The following WFS1 variants were observed in gnomAD, a reference collection of about 807,000 sequenced individuals.
WFS1 encodes wolframin ER transmembrane glycoprotein, also known as wolframin.
In WFS1, 90 loss-of-function variants were observed where a neutral mutation model predicts 68.5. The ratio of observed to expected loss-of-function variants is 1.31; its 90% CI spans 1.11 to 1.56. The LOEUF is 1.56. WFS1 is among the 40% of genes most tolerant of loss of function. The probability of loss-of-function intolerance (pLI) is 0.00; values close to 1 mark genes in which losing one functional copy is unlikely to be tolerated. For missense variants in WFS1, 1,767 were observed against 1,232.6 expected, an observed-to-expected ratio of 1.43 and a Z score of -6.49; for synonymous variants, 860 against 540.7, an observed-to-expected ratio of 1.59 and a Z score of -8.19.
intron 7 of WFS1, among the ~76,000 whole-genome samples, chr4:6,299,946 A>AG (rs1730811170): frequency 7.0e-6 from 1 of 143,114 alleles, no homozygotes; most frequent in African/African-American, 2.6e-5. Context: ...GCGTGTGTGT[A>AG]GGGGTGGGTT....
chr4:6,301,154 C>G lies in WFS1; in HGVS notation c.1359C>G (p.Pro453=), dbSNP rs781138096. The G allele has an allele frequency of 3.7e-6, 6 of 1,612,930 alleles. No individual in the cohort carries two copies. Among genetic ancestry groups the G allele is most frequent in the Non-Finnish European group, 4.2e-6 (5 of 1,180,002 alleles). Reference sequence around the variant, plus strand: ...TGAGCCTGAGCACCCATGCAGAGCCCTACACGCGCAGGGCCCTGGCCACCG... The same window carrying G: ...TGAGCCTGAGCACCCATGCAGAGCCGTACACGCGCAGGGCCCTGGCCACCG... ...SYLSLSTHAE[P]YTRRALATEV... is the part of the protein sequence containing the mutation. The change falls in exon 8 of 8, where the codon CCC becomes CCG. Residue 453 remains proline, a synonymous_variant. Transcript: ENST00000226760.
intron 1 of WFS1, among the ~76,000 whole-genome samples, chr4:6,275,278 A>C (rs1201661526): frequency 6.6e-6 from 1 of 152,208 alleles, no homozygotes; most frequent in Admixed American, 6.5e-5. Context: ...AGACAAGGCC[A>C]CGTGTCATTT....
In WFS1 at chr4:6,302,155, C is replaced by G; in HGVS notation, c.2360C>G (p.Ala787Gly). ...GTGGGCATGCCATTCAGCAGCGGCG[C>G]TGACGGCTCGCGCAGCCGCGAGGAG... ...ITVGMPFSSG[A>G]DGSRSREEDD... is the part of the protein sequence containing the mutation. The change falls in exon 8 of 8, where the codon GCT becomes GGT. Residue 787 changes from alanine (A) to glycine (G), a missense_variant. By Grantham distance (60) the Ala-to-Gly change is moderately conservative (BLOSUM62 0). Transcript: ENST00000226760. The G allele has an allele frequency of 6.2e-7, 1 of 1,612,882 alleles. No individual in the cohort carries two copies. Among genetic ancestry groups the G allele is most frequent in the Non-Finnish European group, 8.5e-7 (1 of 1,180,004 alleles).
At position 6,289,110 on chromosome 4, in the gene WFS1, C is replaced by T. The variant is rs759147965; in HGVS notation, c.439C>T (p.Arg147Trp). 9.5e-6 allele frequency: 15 copies of T among 1,577,822 alleles called. No homozygotes were observed. The highest frequency in any genetic ancestry group is 1.7e-4 in the Middle Eastern group (1 of 5,930). ...TCGCGAGGCTGTGAAGCTGCTTCGCCGGTGCTTGGCGGACAGAAGAGGTGG... is the reference window on the plus strand; with the variant it reads ...TCGCGAGGCTGTGAAGCTGCTTCGCTGGTGCTTGGCGGACAGAAGAGGTGG... ...GRREAVKLLR[R>W]CLADRRGITS... The change falls in exon 4 of 8, where the codon CGG becomes TGG. Residue 147 changes from arginine to tryptophan, a missense_variant. Transcript: ENST00000226760.
In WFS1 at chr4:6,291,240, C is replaced by T. The variant is rs71537675; in HGVS notation, c.504C>T (p.Ser168=). The change falls in exon 5 of 8, where the codon TCC becomes TCT. Residue 168 remains serine, a synonymous_variant. Transcript: ENST00000226760. ...AACGGGAGGTGAGGCAGCTCTCCTC[C>T]GAGACCGACCTGGAGAGGGCCGTGC... The part of the protein sequence containing the change: ...ENEREVRQLS[S]ETDLERAVRK... 41 of 1,613,130 alleles carry T rather than the reference C, an allele frequency of 2.5e-5. No individual in the cohort carries two copies. Among genetic ancestry groups the T allele is most frequent in the Middle Eastern group, 3.3e-4 (2 of 6,062 alleles).
intron 1 of WFS1, among the ~76,000 whole-genome samples, chr4:6,271,748 C>T (rs1729850188): frequency 6.6e-6 from 1 of 152,182 alleles, no homozygotes; most frequent in Non-Finnish European, 1.5e-5. Context: ...CAGGCTCCTC[C>T]CTGGTCCCGA....
chr4:6,294,661 C>T (rs542861400), intron 6 of WFS1: 13 of 335,982 alleles, frequency 3.9e-5, no homozygotes, highest in East Asian at 1.5e-4. Context: ...AGAAGCCCCA[C>T]GCTGGCTGAA....
At position 6,271,292 on chromosome 4, in the gene WFS1, C is replaced by T. The variant is rs530598632; in HGVS notation, c.-6+1278C>T. ...CCTACCTGCTGGTTTGTCCTCCCTT[C>T]GCAGACACAGGAAAAGTTGGCTGGG... On this transcript the variant is annotated intron_variant, in intron 1 of 7. Transcript: ENST00000226760. Among the ~76,000 whole-genome samples, 15 of 152,314 alleles carry T rather than the reference C, an allele frequency of 9.8e-5. No individual in the cohort carries two copies. In the East Asian group the frequency reaches 2.9e-3, roughly 29 times the overall value.
chr4:6,300,349 C>A (rs961445686), intron 7 of WFS1, among the ~76,000 whole-genome samples: 2 of 152,112 alleles, frequency 1.3e-5, no homozygotes, highest in Admixed American at 6.5e-5. Context: ...TGGGTCCCTC[C>A]AGTGCTGGAG....
chr4:6,298,914 T>C (rs1279734206), intron 7 of WFS1, among the ~76,000 whole-genome samples: 3 of 152,212 alleles, frequency 2.0e-5, no homozygotes, highest in African/African-American at 4.8e-5. Context: ...GGCCCGGAGC[T>C]GATGGGGGGC....
rs1410388604 is a variant in WFS1 at position 6,283,797 on chromosome 4, G to A, written c.233-3296G>A. ...CCAGACCATGAGGACTGAGAGTGGCGGGGTTCCCCAAAAGGGACATCAAGG... is the reference window on the plus strand; with the variant it reads ...CCAGACCATGAGGACTGAGAGTGGCAGGGTTCCCCAAAAGGGACATCAAGG... On this transcript the variant is annotated intron_variant, in intron 2 of 7. Coordinates refer to ENST00000226760, the MANE Select transcript of WFS1 (RefSeq NM_006005.3). The surrounding 1 kb of genome is among the most constrained non-coding windows in gnomAD (Gnocchi z 5.0). Among the ~76,000 whole-genome samples, 7 of 151,762 alleles carry A rather than the reference G, an allele frequency of 4.6e-5. No homozygotes were observed. The highest frequency in any genetic ancestry group is 1.2e-4 in the African/African-American group (5 of 41,382).
intron 7 of WFS1, among the ~76,000 whole-genome samples, chr4:6,299,394 A>G (rs1055848972): frequency 2.7e-5 from 4 of 150,836 alleles, no homozygotes; most frequent in South Asian, 2.1e-4. Context: ...GGCCTTGACT[A>G]TGGGGAGGTA....
Position 6,286,072 on chromosome 4 carries a change from C to T in WFS1, c.233-1021C>T, listed in dbSNP as rs573022296. ...ACAAGAGGTTATTGGAAGCAACCTA[C>T]AGACCTGATGGAGAGGAGGGGAGGG... On this transcript the variant is annotated intron_variant, in intron 2 of 7. Transcript: ENST00000226760. 5.2e-4 allele frequency among the ~76,000 whole-genome samples: 79 copies of T among 152,160 alleles called. 1 individual carries two copies. The highest frequency in any genetic ancestry group is 1.8e-3 in the African/African-American group (76 of 41,506).
chr4:6,275,504 C>G (rs1729965808), intron 1 of WFS1, among the ~76,000 whole-genome samples: 1 of 144,980 alleles, frequency 6.9e-6, no homozygotes, highest in South Asian at 2.2e-4. Context: ...GGAGCAGGCT[C>G]CCAAGCTTGA....
chr4:6,286,201 C>G (rs181992748), intron 2 of WFS1, among the ~76,000 whole-genome samples: 1 of 152,294 alleles, frequency 6.6e-6, no homozygotes, highest in Non-Finnish European at 1.5e-5. Context: ...CTGCTGTGGA[C>G]TGAAAGTTTG....
chr4:6,280,677 A>G (rs1730135435), intron 2 of WFS1, among the ~76,000 whole-genome samples: 1 of 152,164 alleles, frequency 6.6e-6, no homozygotes, highest in Non-Finnish European at 1.5e-5. Context: ...TGCTGTGGCT[A>G]TCATGTGCTT....
At chr4:6,272,984 T>C (rs2109104953) in intron 1 of WFS1, among the ~76,000 whole-genome samples, 1 of 152,314 alleles carries the variant, frequency 6.6e-6, no homozygotes, top group South Asian at 2.1e-4. Context: ...ATGATGGACA[T>C]TGTGTGTGAG....
At chr4:6,270,477 G>C (rs1729771121) in intron 1 of WFS1, among the ~76,000 whole-genome samples, 1 of 152,222 alleles carries the variant, frequency 6.6e-6, no homozygotes, top group South Asian at 2.1e-4. Flanking sequence ...GGGGGGGAAG[G>C]GGGGTTCAGT....
chr4:6,299,593 G>A (rs1410737378), intron 7 of WFS1, among the ~76,000 whole-genome samples: 1 of 53,672 alleles, frequency 1.9e-5, no homozygotes, highest in Non-Finnish European at 3.7e-5. Context: ...GTGTGTGTAG[G>A]GGTGGGTTTG....
Sources: allele counts gnomAD v4.1 joint callset (sites outside exome capture counted in the v4.1 genomes callset), GRCh38; gene constraint gnomAD v4.1.1; non-coding constraint Gnocchi (gnomAD v3.1); transcripts MANE v1.5; gene names NCBI Gene and HGNC (gene_info 2026-07-23, HGNC 2026-07-21).